Variants in SLC38A9 observed in about 807,000 individuals in gnomAD.
SLC38A9 encodes the protein solute carrier family 38 member 9.
SLC38A9 carries 48 observed loss-of-function variants against 62.3 expected under a neutral mutation model. That is an observed-to-expected ratio of 0.77 (90% CI 0.61 to 0.98). The LOEUF is 0.98. Ranked by LOEUF, SLC38A9 falls within the 50% of genes least tolerant of loss-of-function variation. The pLI is 0.00. For missense variants in SLC38A9, 541 were observed against 679.8 expected (o/e 0.80, Z 2.27); for synonymous variants, 204 against 227.7 (o/e 0.90, Z 0.94).
intron 8 of SLC38A9, among the ~76,000 whole-genome samples, chr5:55,662,318 T>C (rs1749717768): frequency 1.3e-5 from 2 of 151,772 alleles, no homozygotes; most frequent in Admixed American, 1.3e-4. Flanking sequence ...CAGAATGAAC[T>C]TTGTGTATTA....
At chr5:55,653,366 T>TA (rs1747874717) in intron 9 of SLC38A9, among the ~76,000 whole-genome samples, 1 of 152,238 alleles carries the variant, frequency 6.6e-6, no homozygotes, top group African/African-American at 2.4e-5. Context: ...CTGGATGGTA[T>TA]TTGGTCTTAT....
chr5:55,665,732 G>A (rs1026994917), intron 7 of SLC38A9, among the ~76,000 whole-genome samples: 2 of 152,086 alleles, frequency 1.3e-5, no homozygotes, highest in African/African-American at 4.8e-5. Context: ...GGGAGGCTGA[G>A]GTGGGCAGAA....
intron 3 of SLC38A9, among the ~76,000 whole-genome samples, chr5:55,674,119 GTTAAAC>G (rs1280850159): frequency 1.3e-5 from 2 of 152,186 alleles, no homozygotes; most frequent in Non-Finnish European, 2.9e-5. Context: ...TAGCAGAGGT[GTTAAAC>G]TTAGTTTTAT....
chr5:55,656,652 C>T (rs1748479674), intron 9 of SLC38A9, 63 bp downstream of exon 9: 2 of 1,110,064 alleles, frequency 1.8e-6, no homozygotes, highest in South Asian at 1.3e-5. Flanking sequence ...ACATGTTCTA[C>T]CTTAAATCCT....
intron 2 of SLC38A9, among the ~76,000 whole-genome samples, chr5:55,709,983 C>G (rs1280691528): frequency 6.9e-6 from 1 of 145,678 alleles, no homozygotes; most frequent in Non-Finnish European, 1.5e-5. Flanking sequence ...GCAGGGGAAT[C>G]GCTTGAACCC....
chr5:55,649,387 T>C, intron 10 of SLC38A9, 73 bp from the exon 11 acceptor site: 1 of 920,006 alleles, frequency 1.1e-6, no homozygotes, highest in Non-Finnish European at 1.6e-6. Context: ...TCAAGCATTG[T>C]TTCCATAGTC....
chr5:55,660,162 G>A (rs1406652609), intron 8 of SLC38A9, among the ~76,000 whole-genome samples: 6 of 150,620 alleles, frequency 4.0e-5, no homozygotes, highest in Non-Finnish European at 7.4e-5. Context: ...TGTAATCCCA[G>A]CACTTTGGGA....
intron 12 of SLC38A9, among the ~76,000 whole-genome samples, chr5:55,643,098 A>G (rs536607797): frequency 1.3e-5 from 2 of 152,318 alleles, no homozygotes; most frequent in South Asian, 4.1e-4. Context: ...AGACAAGCCA[A>G]CAAGTAACTG....
chr5:55,630,529 G>A (rs1743254518), intron 14 of SLC38A9, among the ~76,000 whole-genome samples: 1 of 152,236 alleles, frequency 6.6e-6, no homozygotes, highest in African/African-American at 2.4e-5. Flanking sequence ...TGGTGGCCAG[G>A]ATGGTCTCGA....
intron 3 of SLC38A9, among the ~76,000 whole-genome samples, chr5:55,694,368 G>A (rs1264114628): frequency 6.6e-6 from 1 of 152,134 alleles, no homozygotes; most frequent in Admixed American, 6.6e-5. Flanking sequence ...AACCTTTTGT[G>A]ACATCTTCTG....
At chr5:55,683,317 G>A (rs1211438733) in intron 3 of SLC38A9, among the ~76,000 whole-genome samples, 3 of 152,062 alleles carry the variant, frequency 2.0e-5, no homozygotes, top group African/African-American at 7.2e-5. Flanking sequence ...CAAACTCCTC[G>A]GCTCAAGGAA....
intron 3 of SLC38A9, among the ~76,000 whole-genome samples, chr5:55,688,660 G>A (rs933825373): frequency 6.6e-6 from 1 of 152,012 alleles, no homozygotes; most frequent in Non-Finnish European, 1.5e-5. Context: ...GATTACAGGG[G>A]TGAGCCACTG....
chr5:55,690,515 A>C (rs1020996996), intron 3 of SLC38A9, among the ~76,000 whole-genome samples: 1 of 152,196 alleles, frequency 6.6e-6, no homozygotes, highest in Non-Finnish European at 1.5e-5. Flanking sequence ...CTGATTAATG[A>C]CCAAGGTCCT....
At chr5:55,700,942 C>G (rs35440384) in intron 2 of SLC38A9, among the ~76,000 whole-genome samples, 32 of 152,156 alleles carry the variant, frequency 2.1e-4, no homozygotes, top group Non-Finnish European at 3.8e-4. Flanking sequence ...AAGGTTCAGT[C>G]TTGACCTACC....
chr5:55,639,497 T>A (rs1185646862), intron 12 of SLC38A9, among the ~76,000 whole-genome samples: 1 of 152,108 alleles, frequency 6.6e-6, no homozygotes, highest in Non-Finnish European at 1.5e-5. Flanking sequence ...TATTCTTTTG[T>A]CTTCTTTTCT....
At chr5:55,683,762 T>G (rs1233055951) in intron 3 of SLC38A9, among the ~76,000 whole-genome samples, 1 of 152,222 alleles carries the variant, frequency 6.6e-6, no homozygotes, top group African/African-American at 2.4e-5. Flanking sequence ...AACATTCCAT[T>G]ATATAAAAAC....
chr5:55,633,579 G>C (rs991717373), intron 14 of SLC38A9, 175 bp downstream of exon 14: 1 of 722,268 alleles, frequency 1.4e-6, no homozygotes, highest in African/African-American at 1.8e-5. Flanking sequence ...TCTAGACAAG[G>C]GAGTGGCTTC....
intron 3 of SLC38A9, among the ~76,000 whole-genome samples, chr5:55,676,510 C>T (rs1161656280): frequency 6.6e-6 from 1 of 152,180 alleles, no homozygotes; most frequent in East Asian, 1.9e-4. Flanking sequence ...ATACAATGCA[C>T]TTCTTTGTAC....
intron 3 of SLC38A9, chr5:55,691,179 T>C (rs1424767222): frequency 4.8e-6 from 4 of 835,690 alleles, no homozygotes; most frequent in Non-Finnish European, 7.9e-6. Context: ...GGTTAGGACT[T>C]CATATTTACC....
Sources: allele counts gnomAD v4.1 joint callset (sites outside exome capture counted in the v4.1 genomes callset), GRCh38; gene constraint gnomAD v4.1.1; transcripts MANE v1.5; gene names NCBI Gene and HGNC (gene_info 2026-07-23, HGNC 2026-07-21).